ECSIT: variants seen among roughly 807,000 people sequenced by gnomAD.
ECSIT encodes evolutionarily conserved signaling intermediate in Toll pathway, mitochondrial.
Under a neutral mutation model 36.8 loss-of-function variants are expected in ECSIT, and 29 were observed. The ratio of observed to expected loss-of-function variants is 0.79; its 90% CI spans 0.59 to 1.08. ECSIT has a LOEUF of 1.08. Ranked by LOEUF, ECSIT falls within the 50% of genes least tolerant of loss-of-function variation. The probability of loss-of-function intolerance (pLI) is 0.00; values close to 1 mark genes in which losing one functional copy is unlikely to be tolerated. For synonymous variants in ECSIT, 231 were observed against 234.8 expected, an observed-to-expected ratio of 0.98 and a Z score of 0.15; for missense variants, 542 against 581.0, an observed-to-expected ratio of 0.93 and a Z score of 0.69.
At chr19:11,524,943 CT>C (rs1207038859) in intron 1 of ECSIT, among the ~76,000 whole-genome samples, 2 of 151,612 alleles carry the variant, frequency 1.3e-5, no homozygotes, top group Non-Finnish European at 2.9e-5. Context: ...TCAAGACCAG[CT>C]TGGCCAAGAT....
In ECSIT at chr19:11,513,188, C is replaced by T. The variant is rs1299300442; in HGVS notation, c.606G>A (p.Leu202=). Residue 202 remains leucine (L), a synonymous_variant, in exon 4 of 8, where the codon CTG becomes CTA. Coordinates refer to ENST00000270517, the MANE Select transcript of ECSIT (RefSeq NM_016581.5). ...YPMLKLVRLK[L]WFPRFMNVNP... is the part of the protein sequence containing the mutation. ...TGACGTTCATGAATCGAGGGAACCA[C>T]AGCTTCAGGCGCACCAACTTGAGCA... is the stretch of plus-strand genomic sequence containing the variant. The T allele has an allele frequency of 6.2e-7, 1 of 1,614,162 alleles. No individual in the cohort carries two copies.
At chr19:11,522,905 C>A (rs1972135843) in intron 1 of ECSIT, among the ~76,000 whole-genome samples, 1 of 151,762 alleles carries the variant, frequency 6.6e-6, no homozygotes, top group South Asian at 2.1e-4. Context: ...CCCATCTCTA[C>A]TAAAAATACA....
At chr19:11,527,006 C>T (rs912372503) in intron 1 of ECSIT, among the ~76,000 whole-genome samples, 1 of 151,746 alleles carries the variant, frequency 6.6e-6, no homozygotes, top group Non-Finnish European at 1.5e-5. Flanking sequence ...AGGTGTGAGC[C>T]ACCACACCCA....
chr19:11,528,575 T>C (rs547773244), intron 1 of ECSIT, among the ~76,000 whole-genome samples: 2 of 152,304 alleles, frequency 1.3e-5, no homozygotes, highest in Non-Finnish European at 2.9e-5. Flanking sequence ...AAAGTCTGGT[T>C]CCCCCAGGAG....
intron 1 of ECSIT, among the ~76,000 whole-genome samples, chr19:11,521,544 A>G (rs1336393896): frequency 2.6e-5 from 4 of 151,044 alleles, no homozygotes; most frequent in African/African-American, 7.3e-5. Context: ...AAGCAGGCAG[A>G]TCACCTGAGG....
chr19:11,511,147 C>T (rs1027390984), intron 4 of ECSIT, among the ~76,000 whole-genome samples: 4 of 152,180 alleles, frequency 2.6e-5, no homozygotes, highest in Admixed American at 6.6e-5. Flanking sequence ...GAACCACTGG[C>T]TCTTAAGGAA....
At chr19:11,516,559 A>G (rs10417632) in intron 2 of ECSIT, among the ~76,000 whole-genome samples, 35,570 of 151,772 alleles carry the variant, frequency 0.23, 9,052 homozygotes, top group African/African-American at 0.64. Context: ...AGGCTGAAGC[A>G]GGAGGACTGC....
At chr19:11,520,449 G>A (rs567559150) in intron 1 of ECSIT, among the ~76,000 whole-genome samples, 9 of 152,102 alleles carry the variant, frequency 5.9e-5, no homozygotes, top group African/African-American at 2.2e-4. Context: ...TGGGATTACA[G>A]GCGTGAGCCA....
In ECSIT at chr19:11,513,046, G is replaced by C. The variant is rs753630401; in HGVS notation, c.738+10C>G. On this transcript the variant is annotated intron_variant, in intron 4 of 7. Transcript: ENST00000270517. ...GGGTGGCAGCTGACGCTGTAGACAA[G>C]GGCGGATACCTGGTAGATGGTGACC... 3 of 1,613,342 alleles carry C rather than the reference G, an allele frequency of 1.9e-6. No individual in the cohort carries two copies. The South Asian group carries it at 3.3e-5, about 18-fold the overall frequency.
intron 1 of ECSIT, chr19:11,523,430 A>G (rs757446160): frequency 1.7e-4 from 118 of 705,036 alleles, no homozygotes; most frequent in Admixed American, 4.1e-4. Flanking sequence ...CCCATAACCC[A>G]CTGCCATGGC....
In ECSIT at chr19:11,507,772, G is replaced by A. The variant is rs1240237384; in HGVS notation, c.875C>T (p.Ser292Phe). ...ARPVFVEGPFSLWLRNKCVYY... is the reference protein window; with the variant it reads ...ARPVFVEGPFFLWLRNKCVYY... ...CACACACTTGTTGCGGAGCCACAGGGAGAAGGGGCCCTCAACAAAGACAGG... is the reference window on the plus strand; with the variant it reads ...CACACACTTGTTGCGGAGCCACAGGAAGAAGGGGCCCTCAACAAAGACAGG... Residue 292 changes from serine (S) to phenylalanine (F), a missense_variant, in exon 6 of 8, where the codon TCC (serine) becomes TTC (phenylalanine). Transcript: ENST00000270517. 1 of 1,614,020 alleles carries A rather than the reference G, an allele frequency of 6.2e-7. No individual in the cohort carries two copies. Among genetic ancestry groups the A allele is most frequent in the African/African-American group, 1.3e-5 (1 of 74,920 alleles).
chr19:11,512,951 A>C, intron 4 of ECSIT, 105 bp downstream of exon 4: 1 of 1,194,018 alleles, frequency 8.4e-7, no homozygotes, highest in Non-Finnish European at 1.2e-6. Flanking sequence ...TCAAAAAAGA[A>C]CTTGATTCAC....
chr19:11,514,615 T>C (rs1277887312), intron 2 of ECSIT, among the ~76,000 whole-genome samples: 1 of 151,472 alleles, frequency 6.6e-6, no homozygotes, highest in Non-Finnish European at 1.5e-5. Context: ...TTTCAACTCC[T>C]GGGCTCAAGC....
rs1971772278 is a variant in ECSIT, at chr19:11,507,480, T to C, written c.1028A>G (p.Asn343Ser). The change falls in exon 7 of 8, where the codon AAC becomes AGC. Residue 343 changes from asparagine to serine, a missense_variant. Transcript: ENST00000270517. Reference protein sequence around the residue: ...DLEYVRSGWDNYEFDINEVEE... With the variant: ...DLEYVRSGWDSYEFDINEVEE... ...ACCTTCATTGATGTCAAACTCGTAG[T>C]TGTCCCAGCCACTCCTCACATACTC... is the stretch of plus-strand genomic sequence containing the variant. The C allele has an allele frequency of 6.2e-7, 1 of 1,613,992 alleles. No individual in the cohort carries two copies. Among genetic ancestry groups the C allele is most frequent in the Non-Finnish European group, 8.5e-7 (1 of 1,179,994 alleles).
chr19:11,510,404 C>G (rs1371083398), intron 4 of ECSIT, among the ~76,000 whole-genome samples: 1 of 151,950 alleles, frequency 6.6e-6, no homozygotes, highest in African/African-American at 2.4e-5. Flanking sequence ...TCTCGAACTC[C>G]TGGGCTCAAG....
chr19:11,509,993 G>A (rs904644225), intron 4 of ECSIT, among the ~76,000 whole-genome samples: 17 of 150,874 alleles, frequency 1.1e-4, no homozygotes, highest in Admixed American at 2.7e-4. Context: ...CCTCACCCTC[G>A]CAAGTAGCTA....
chr19:11,506,466 G>A (rs540509288), intron 7 of ECSIT, 38 bp from the exon 8 acceptor site: 3 of 1,579,960 alleles, frequency 1.9e-6, no homozygotes, highest in East Asian at 2.3e-5. Flanking sequence ...TTGCACAGTG[G>A]GGGCTGCAGC....
intron 4 of ECSIT, among the ~76,000 whole-genome samples, chr19:11,509,933 G>A (rs757624878): frequency 5.5e-4 from 83 of 151,044 alleles, no homozygotes; most frequent in Non-Finnish European, 9.6e-4. Flanking sequence ...GCAATGGCGC[G>A]ATCTCGGCTC....
intron 1 of ECSIT, among the ~76,000 whole-genome samples, chr19:11,528,374 C>A (rs1972257506): frequency 6.6e-6 from 1 of 152,202 alleles, no homozygotes; most frequent in African/African-American, 2.4e-5. Flanking sequence ...ACCTCAGCTT[C>A]CCGAGTAGCT....
Sources: allele counts gnomAD v4.1 joint callset (sites outside exome capture counted in the v4.1 genomes callset), GRCh38; gene constraint gnomAD v4.1.1; transcripts MANE v1.5; gene names NCBI Gene and HGNC (gene_info 2026-07-23, HGNC 2026-07-21).